AP2B1: variants seen among roughly 807,000 people sequenced by gnomAD.
AP2B1 encodes the protein adaptor related protein complex 2 subunit beta 1.
AP2B1 carries 23 observed loss-of-function variants against 102.0 expected under a neutral mutation model. That is an observed-to-expected ratio of 0.23 (90% CI 0.16 to 0.32). The LOEUF (loss-of-function observed/expected upper bound fraction) is 0.32. Ranked by LOEUF, AP2B1 falls within the 10% of genes least tolerant of loss-of-function variation. The pLI, the probability that AP2B1 is intolerant of heterozygous loss-of-function variation, is 1.00. For synonymous variants in AP2B1, 381 were observed against 421.2 expected (o/e 0.90, Z 1.17); for missense variants, 541 against 1,157.4 (o/e 0.47, Z 7.73).
chr17:35,713,557 AT>A (rs1555588569), intron 20 of AP2B1, among the ~76,000 whole-genome samples: 2 of 152,132 alleles, frequency 1.3e-5, no homozygotes. Flanking sequence ...TAAAAATACC[AT>A]CCTTTCCAGC....
intron 5 of AP2B1, among the ~76,000 whole-genome samples, chr17:35,614,227 T>C (rs1043330243): frequency 4.6e-5 from 7 of 152,168 alleles, no homozygotes; most frequent in African/African-American, 1.2e-4. Flanking sequence ...AGACCTGGTC[T>C]TGCTCTGTCA....
intron 18 of AP2B1, among the ~76,000 whole-genome samples, chr17:35,700,753 A>G (rs2076224517): frequency 6.6e-6 from 1 of 152,206 alleles, no homozygotes; most frequent in African/African-American, 2.4e-5. Context: ...TTTCTATACT[A>G]TGGAAAGAAA....
At chr17:35,673,395 G>A (rs1469461944) in intron 16 of AP2B1, among the ~76,000 whole-genome samples, 1 of 151,886 alleles carries the variant, frequency 6.6e-6, no homozygotes, top group Non-Finnish European at 1.5e-5. Flanking sequence ...CACTATGTTA[G>A]CCAGGATGGT....
In AP2B1 at chr17:35,634,990, C is replaced by T. The variant is rs117061309; in HGVS notation, c.1156-1351C>T. ...GTGTGTGTGTTTCTCTGTTTCTGGA[C>T]TTTTTGTATATACAGTGATTGGATG... On this transcript the variant is annotated intron_variant, in intron 9 of 21. Coordinates refer to ENST00000610402, the MANE Select transcript of AP2B1 (RefSeq NM_001030006.2). Among the ~76,000 whole-genome samples, 1,481 of 148,608 alleles carry T rather than the reference C, an allele frequency of 1.0e-2. 14 individuals are homozygous for T. Among genetic ancestry groups the T allele is most frequent in the Non-Finnish European group, 0.015 (1,022 of 67,730 alleles).
intron 14 of AP2B1, among the ~76,000 whole-genome samples, chr17:35,668,524 C>T (rs2075518564): frequency 1.3e-5 from 2 of 152,154 alleles, no homozygotes; most frequent in South Asian, 2.1e-4. Flanking sequence ...TGAAACCATA[C>T]TACTGAAACA....
chr17:35,675,273 G>A (rs2889310), intron 17 of AP2B1, among the ~76,000 whole-genome samples: 2,671 of 152,240 alleles, frequency 0.018, 52 homozygotes, highest in African/African-American at 0.049. Context: ...TGTAAATACA[G>A]GATATTTAGC....
chr17:35,622,870 T>G (rs1298149859), intron 5 of AP2B1, among the ~76,000 whole-genome samples: 2 of 152,110 alleles, frequency 1.3e-5, no homozygotes, highest in Non-Finnish European at 2.9e-5. Context: ...TTCACCATGT[T>G]GGCCAGGCTG....
intron 12 of AP2B1, among the ~76,000 whole-genome samples, chr17:35,645,274 T>A (rs1395564770): frequency 6.6e-6 from 1 of 152,200 alleles, no homozygotes; most frequent in Non-Finnish European, 1.5e-5. Flanking sequence ...ATGATGCTAC[T>A]TCCACTGATT....
At chr17:35,631,226 C>A (rs1042898932) in intron 9 of AP2B1, among the ~76,000 whole-genome samples, 1 of 151,988 alleles carries the variant, frequency 6.6e-6, no homozygotes, top group African/African-American at 2.4e-5. Context: ...TTCTTCACTT[C>A]CTGGTCTTCT....
At chr17:35,689,453 AC>A (rs1184995526) in intron 18 of AP2B1, among the ~76,000 whole-genome samples, 1 of 151,970 alleles carries the variant, frequency 6.6e-6, no homozygotes, top group Non-Finnish European at 1.5e-5. Context: ...ATGAGCTACC[AC>A]CCCCAGCTCA....
chr17:35,669,219 C>T lies in AP2B1; in HGVS notation c.1990-1638C>T, dbSNP rs1268034095. ...AGTGCAATGGCATGATCTCAGCTCA[C>T]CGCAACCTCCGTCTCTTGGGTTCAA... On this transcript the variant is annotated intron_variant, in intron 14 of 21. Coordinates refer to ENST00000610402, the MANE Select transcript of AP2B1 (RefSeq NM_001030006.2). Among the ~76,000 whole-genome samples the T allele has an allele frequency of 2.6e-5, 4 of 151,754 alleles. No individual in the cohort carries two copies. The East Asian group carries it at 7.7e-4, about 29-fold the overall frequency.
At chr17:35,684,799 C>T (rs1034651458) in intron 18 of AP2B1, among the ~76,000 whole-genome samples, 2 of 152,056 alleles carry the variant, frequency 1.3e-5, no homozygotes, top group Non-Finnish European at 2.9e-5. Flanking sequence ...TGAGGACAGT[C>T]AGCATGCACG....
intron 18 of AP2B1, among the ~76,000 whole-genome samples, chr17:35,693,715 C>T (rs1202502187): frequency 6.6e-6 from 1 of 151,840 alleles, no homozygotes; most frequent in Non-Finnish European, 1.5e-5. Flanking sequence ...TCCAGGAACC[C>T]CTGAAGGAGT....
At chr17:35,613,910 C>A (rs939919800) in intron 5 of AP2B1, among the ~76,000 whole-genome samples, 10 of 152,068 alleles carry the variant, frequency 6.6e-5, no homozygotes, top group Non-Finnish European at 1.5e-4. Context: ...CATTTTAGAG[C>A]TATAGGGAAA....
intron 9 of AP2B1, among the ~76,000 whole-genome samples, chr17:35,628,375 G>T (rs1332753126): frequency 6.6e-6 from 1 of 152,184 alleles, no homozygotes; most frequent in Non-Finnish European, 1.5e-5. Context: ...GCCAAGGTGA[G>T]AGGACTGCTT....
At chr17:35,646,536 AT>A (rs1185944120) in intron 12 of AP2B1, among the ~76,000 whole-genome samples, 1 of 151,290 alleles carries the variant, frequency 6.6e-6, no homozygotes, top group East Asian at 1.9e-4. Flanking sequence ...ATATTGCAGC[AT>A]TTTGAATAAT....
At chr17:35,594,450 G>A (rs2073196159) in intron 2 of AP2B1, among the ~76,000 whole-genome samples, 1 of 152,158 alleles carries the variant, frequency 6.6e-6, no homozygotes, top group African/African-American at 2.4e-5. Flanking sequence ...AAGCAATACA[G>A]ATATGTATGT....
chr17:35,719,572 T>A (rs2085294180), intron 21 of AP2B1, among the ~76,000 whole-genome samples: 1 of 152,266 alleles, frequency 6.6e-6, no homozygotes. Context: ...GCTTGTTCTT[T>A]TTTATGGCCA....
At chr17:35,610,540 A>C (rs1476603943) in intron 5 of AP2B1, among the ~76,000 whole-genome samples, 1 of 152,004 alleles carries the variant, frequency 6.6e-6, no homozygotes, top group Non-Finnish European at 1.5e-5. Flanking sequence ...AGGCAGAAGG[A>C]TCACTTGAAG....
Sources: gnomAD v4.1 joint callset for allele counts (sites outside exome capture counted in the v4.1 genomes callset) on GRCh38, gnomAD v4.1.1 for gene constraint, MANE v1.5 for transcripts, NCBI Gene and HGNC (gene_info 2026-07-23, HGNC 2026-07-21) for gene names.